Variants in VPS13D observed in about 807,000 individuals in gnomAD.
The protein encoded by VPS13D is vacuolar protein sorting 13 homolog D, also known as intermembrane lipid transfer protein VPS13D.
VPS13D carries 187 observed loss-of-function variants against 461.9 expected under a neutral mutation model. The observed-to-expected ratio is 0.40, with a 90% CI of 0.36 to 0.46. The LOEUF is 0.46. Ranked by LOEUF, VPS13D falls within the 20% of genes least tolerant of loss-of-function variation. The pLI, the probability that VPS13D is intolerant of heterozygous loss-of-function variation, is 0.60. For synonymous variants in VPS13D, 1,951 were observed against 1,986.3 expected, an observed-to-expected ratio of 0.98 and a Z score of 0.47; for missense variants, 4,711 against 5,364.9, an observed-to-expected ratio of 0.88 and a Z score of 3.81.
Position 12,234,209 on chromosome 1 carries a change from A to C in VPS13D, c.-58A>C, listed in dbSNP as rs1389104606. 2 of 1,229,458 alleles carry C rather than the reference A, an allele frequency of 1.6e-6. No homozygotes were observed. Among genetic ancestry groups the C allele is most frequent in the East Asian group, 4.7e-5 (2 of 42,754 alleles). 76.2% of individuals were successfully genotyped at this position (1,229,458 alleles called of 1,614,324 possible). ...TTCATAGATTTTTCTGTGACCATGA[A>C]AGAGAGAAATAAAGAATGATCCATG... is the stretch of plus-strand genomic sequence containing the variant. On this transcript the variant is annotated 5_prime_UTR_variant, in exon 2 of 70. Transcript: ENST00000620676.
At chr1:12,494,534 C>G (rs1201065148) in intron 67 of VPS13D, among the ~76,000 whole-genome samples, 3 of 152,164 alleles carry the variant, frequency 2.0e-5, no homozygotes, top group African/African-American at 7.2e-5. Context: ...TTTAAGAGCT[C>G]GGGTCCAGAA....
chr1:12,299,287 G>A lies in VPS13D; in HGVS notation c.6119G>A (p.Arg2040Lys). The A allele has an allele frequency of 6.2e-7, 1 of 1,613,986 alleles. No homozygotes were observed. The highest frequency in any genetic ancestry group is 8.5e-7 in the Non-Finnish European group (1 of 1,179,996). Residue 2040 changes from arginine (R) to lysine (K), a missense_variant, in exon 25 of 70, where the codon AGA becomes AAA. Around this residue, in one of 3 missense-constraint regions of VPS13D, gnomAD observed 4,411 missense variants for 4,937.8 expected, o/e 0.89. Transcript: ENST00000620676. This position sits in a 1 kb window ranked among gnomAD's most constrained non-coding sequence, Gnocchi z 4.2. ...GTTCTCTTGATCCCAGAAAGTTCCA[G>A]ATCAAATAATCTGATTGTAGCAAAT... ...APVLLIPESS[R>K]SNNLIVANLG...
rs763182437 is a variant in VPS13D at position 12,317,068 on chromosome 1, T to C, written c.7149-1004T>C. Among the ~76,000 whole-genome samples, 45 of 143,702 alleles carry C rather than the reference T, an allele frequency of 3.1e-4. 1 individual carries two copies. The highest frequency in any genetic ancestry group is 1.4e-4 in the Non-Finnish European group (9 of 65,618). 94.3% of individuals were successfully genotyped at this position (143,702 alleles called of 152,430 possible). ...TTATCCCTGGTAAATGTCATCTTAC[T>C]TGTTCTCCTCGGGCCAAAAGATCTG... is the stretch of plus-strand genomic sequence containing the variant. On this transcript the variant is annotated intron_variant, in intron 30 of 69. Transcript: ENST00000620676.
chr1:12,415,202 T>C lies in VPS13D; in HGVS notation c.12146T>C (p.Ile4049Thr), dbSNP rs758291232. 6.2e-7 allele frequency: 1 copy of C among 1,614,148 alleles called. No homozygotes were observed. Among genetic ancestry groups the C allele is most frequent in the South Asian group, 1.1e-5 (1 of 91,082 alleles). Residue 4049 changes from isoleucine (I) to threonine (T), a missense_variant, in exon 64 of 70, where the codon ATC becomes ACC. Ile to Thr is a moderately conservative substitution (Grantham distance 89). Around this residue, in one of 3 missense-constraint regions of VPS13D, gnomAD observed 4,411 missense variants for 4,937.8 expected, o/e 0.89. Transcript: ENST00000620676. ...ACCAAGGAGTTCATCATCAATGATA[T>C]CCTCAAACATTTCCAGGAGGTGAGG... The part of the protein sequence containing the change: ...YETKEFIIND[I>T]LKHFQEELLS...
chr1:12,359,654 A>G (rs1440559963), intron 50 of VPS13D, among the ~76,000 whole-genome samples: 1 of 152,206 alleles, frequency 6.6e-6, no homozygotes, highest in East Asian at 1.9e-4. Context: ...AGAATCAAAG[A>G]TATGTTTAAA....
chr1:12,432,692 T>G (rs1335258452), intron 65 of VPS13D, among the ~76,000 whole-genome samples: 1 of 151,840 alleles, frequency 6.6e-6, no homozygotes, highest in Non-Finnish European at 1.5e-5. Flanking sequence ...GCTTCTTGGG[T>G]TCAGGCAATC....
intron 24 of VPS13D, among the ~76,000 whole-genome samples, chr1:12,294,937 T>G (rs894125498): frequency 3.3e-5 from 5 of 151,888 alleles, no homozygotes; most frequent in African/African-American, 1.2e-4. Flanking sequence ...TAAAAAAACT[T>G]TATGGCCAGG....
intron 30 of VPS13D, among the ~76,000 whole-genome samples, chr1:12,315,219 A>G (rs1642857040): frequency 6.6e-6 from 1 of 152,254 alleles, no homozygotes; most frequent in African/African-American, 2.4e-5. Flanking sequence ...ACCACTAAGT[A>G]AAAAGATTGT....
chr1:12,368,330 A>T, intron 52 of VPS13D, 138 bp from the exon 53 acceptor site: 1 of 996,992 alleles, frequency 1.0e-6, no homozygotes, highest in East Asian at 2.6e-5. Context: ...ATGATGGAGG[A>T]ACACACAGTG....
At chr1:12,492,018 C>T (rs1039908363) in intron 67 of VPS13D, among the ~76,000 whole-genome samples, 3 of 152,154 alleles carry the variant, frequency 2.0e-5, no homozygotes, top group African/African-American at 4.8e-5. Context: ...GAGATGCTGT[C>T]GACTAAGGAG....
intron 46 of VPS13D, among the ~76,000 whole-genome samples, chr1:12,349,646 A>T (rs1387859610): frequency 6.6e-6 from 1 of 152,236 alleles, no homozygotes; most frequent in East Asian, 1.9e-4. Flanking sequence ...ACAACAGCAT[A>T]AAGAGAGGAC....
chr1:12,304,727 A>G lies in VPS13D; in HGVS notation c.6438A>G (p.Pro2146=), dbSNP rs1474133470. 2 of 1,613,720 alleles carry G rather than the reference A, an allele frequency of 1.2e-6. No homozygotes were observed. Among genetic ancestry groups the G allele is most frequent in the Non-Finnish European group, 1.7e-6 (2 of 1,180,020 alleles). The change falls in exon 26 of 70, where the codon CCA becomes CCG. Residue 2146 remains proline (P), a splice_region_variant and synonymous_variant. Coordinates refer to ENST00000620676, the MANE Select transcript of VPS13D (RefSeq NM_015378.4). The stretch of plus-strand genomic sequence containing the variant: ...CTGTTGGCCAAGAGTCCAGTAGTCC[A>G]GGTAAAAGAGGAGAAAAGCAACATA... ...TLSVGQESSS[P]EDHVCLLDCV...
intron 63 of VPS13D, among the ~76,000 whole-genome samples, chr1:12,414,151 G>C (rs955231983): frequency 1.9e-4 from 29 of 152,218 alleles, no homozygotes; most frequent in African/African-American, 6.7e-4. Flanking sequence ...GGGCATGGTA[G>C]TTTGCACATG....
chr1:12,449,634 T>G (rs1316720147), intron 65 of VPS13D, among the ~76,000 whole-genome samples: 1 of 152,168 alleles, frequency 6.6e-6, no homozygotes, highest in African/African-American at 2.4e-5. Context: ...GAAACGGAAG[T>G]CAGTGGTGAA....
intron 23 of VPS13D, among the ~76,000 whole-genome samples, chr1:12,292,435 C>CTTTTTT (rs886615855): frequency 7.2e-5 from 7 of 96,916 alleles, no homozygotes; most frequent in Admixed American, 1.2e-4. Flanking sequence ...TGCTCAGTCT[C>CTTTTTT]TTTTTTTTTT....
At position 12,415,177 on chromosome 1, in the gene VPS13D, A is replaced by T; in HGVS notation, c.12121A>T (p.Thr4041Ser). The part of the protein sequence containing the change: ...DPFTRVHPYE[T>S]KEFIINDILK... Reference sequence around the variant, plus strand: ...ATTCACTCGGGTACATCCCTATGAGACCAAGGAGTTCATCATCAATGATAT... The same window carrying T: ...ATTCACTCGGGTACATCCCTATGAGTCCAAGGAGTTCATCATCAATGATAT... The change falls in exon 64 of 70, where the codon ACC (threonine) becomes TCC (serine). Residue 4041 changes from threonine to serine, a missense_variant. Coordinates refer to ENST00000620676, the MANE Select transcript of VPS13D (RefSeq NM_015378.4). The T allele has an allele frequency of 6.2e-7, 1 of 1,614,138 alleles. No individual in the cohort carries two copies.
chr1:12,456,694 G>A (rs536088167), intron 66 of VPS13D, among the ~76,000 whole-genome samples: 1 of 151,242 alleles, frequency 6.6e-6, no homozygotes, highest in South Asian at 2.1e-4. Flanking sequence ...TCCTGTGTTG[G>A]CGTACCTGAT....
At position 12,348,719 on chromosome 1, in the gene VPS13D, A is replaced by G. The variant is rs1423354720; in HGVS notation, c.9070-104A>G. On this transcript the variant is annotated intron_variant, in intron 44 of 69. Transcript: ENST00000620676. ...ATGACTGATTTCACTGAAGAACTAT[A>G]GTAGTAATAAGACACTTTTAAGGTA... is the stretch of plus-strand genomic sequence containing the variant. 7 of 1,362,738 alleles carry G rather than the reference A, an allele frequency of 5.1e-6. No homozygotes were observed. The African/African-American group carries it at 1.0e-4, about 20-fold the overall frequency. 84.4% of individuals were successfully genotyped at this position (1,362,738 alleles called of 1,614,324 possible). A position where few individuals can be genotyped will look rare whatever the true frequency, so the allele number is the denominator to read the frequency against.
intron 52 of VPS13D, among the ~76,000 whole-genome samples, chr1:12,367,368 C>T (rs1163740143): frequency 6.6e-6 from 1 of 152,114 alleles, no homozygotes; most frequent in Non-Finnish European, 1.5e-5. Context: ...ATAAGTTGTT[C>T]TTCACCTGGT....
Sources: gnomAD v4.1 joint callset for allele counts (sites outside exome capture counted in the v4.1 genomes callset) on GRCh38, gnomAD v4.1.1 for gene constraint, gnomAD v4.1.1 regional missense constraint, Gnocchi (gnomAD v3.1) non-coding constraint, MANE v1.5 for transcripts, NCBI Gene and HGNC (gene_info 2026-07-23, HGNC 2026-07-21) for gene names.